The following DOCK4 variants were observed in gnomAD, a reference collection of about 807,000 sequenced individuals.
DOCK4 encodes dedicator of cytokinesis protein 4.
DOCK4 carries 97 observed loss-of-function variants against 268.1 expected under a neutral mutation model. The observed-to-expected ratio is 0.36, with a 90% CI of 0.31 to 0.43. The LOEUF is 0.43. Among genes scored for constraint, DOCK4 ranks in the 20% least tolerant of loss-of-function variants. DOCK4 has a pLI of 1.00. For missense variants in DOCK4, 2,145 were observed against 2,455.7 expected, an observed-to-expected ratio of 0.87 and a Z score of 2.67; for synonymous variants, 954 against 887.2, an observed-to-expected ratio of 1.08 and a Z score of -1.34.
At chr7:111,868,594 C>T (rs900871822) in intron 21 of DOCK4, among the ~76,000 whole-genome samples, 1 of 151,990 alleles carries the variant, frequency 6.6e-6, no homozygotes, top group Non-Finnish European at 1.5e-5. Flanking sequence ...CCTGTAATCC[C>T]AGCTACTTGG....
At chr7:111,935,742 C>G (rs1419618960) in intron 11 of DOCK4, 114 bp from the exon 12 acceptor site, 2 of 820,790 alleles carry the variant, frequency 2.4e-6, no homozygotes, top group Non-Finnish European at 3.9e-6. Flanking sequence ...TCCTTGAGGT[C>G]CCCATCAACC....
intron 12 of DOCK4, among the ~76,000 whole-genome samples, chr7:111,932,348 T>TTG (rs1794270439): frequency 6.6e-6 from 1 of 152,120 alleles, no homozygotes; most frequent in Non-Finnish European, 1.5e-5. Context: ...AGTTTGGTAT[T>TTG]TGTTTATCCA....
At chr7:112,200,010 A>T (rs1321328247) in intron 1 of DOCK4, among the ~76,000 whole-genome samples, 3 of 152,230 alleles carry the variant, frequency 2.0e-5, no homozygotes, top group Non-Finnish European at 4.4e-5. Context: ...TTGTTAAAAT[A>T]AACCCACATA....
intron 1 of DOCK4, among the ~76,000 whole-genome samples, chr7:112,142,184 G>C (rs1251635567): frequency 6.6e-6 from 1 of 152,124 alleles, no homozygotes; most frequent in Non-Finnish European, 1.5e-5. Flanking sequence ...CTGTGGCATA[G>C]AGAGAAAAAA....
intron 16 of DOCK4, among the ~76,000 whole-genome samples, chr7:111,894,515 C>T (rs964673366): frequency 6.6e-6 from 1 of 152,060 alleles, no homozygotes; most frequent in Admixed American, 6.5e-5. Context: ...AACTGGCCAG[C>T]TGAGAATATG....
intron 1 of DOCK4, among the ~76,000 whole-genome samples, chr7:112,118,128 T>C (rs1812348876): frequency 7.4e-6 from 1 of 135,400 alleles, no homozygotes; most frequent in South Asian, 2.2e-4. Flanking sequence ...AGACTTCTTA[T>C]TTATAATATA....
chr7:111,785,296 T>G (rs1799088626), intron 32 of DOCK4, among the ~76,000 whole-genome samples: 1 of 152,198 alleles, frequency 6.6e-6, no homozygotes, highest in African/African-American at 2.4e-5. Flanking sequence ...CTTTCAGGCT[T>G]AAATTGCAAA....
chr7:112,109,986 C>T lies in DOCK4; in HGVS notation c.37+96116G>A, dbSNP rs569984375. On this transcript the variant is annotated intron_variant, in intron 1 of 52. Transcript: ENST00000428084. The stretch of plus-strand genomic sequence containing the variant: ...GTCTCGATCTCCTGACCTCGTGATC[C>T]GCCCGCCTCGGCCTCCCAAAGTGCT... Among the ~76,000 whole-genome samples, 41 of 151,862 alleles carry T rather than the reference C, an allele frequency of 2.7e-4. 1 individual carries two copies. The highest frequency in any genetic ancestry group is 6.8e-3 in the Middle Eastern group (2 of 294).
intron 25 of DOCK4, among the ~76,000 whole-genome samples, chr7:111,843,993 G>A (rs1404227657): frequency 1.3e-5 from 2 of 152,268 alleles, no homozygotes; most frequent in African/African-American, 4.8e-5. Context: ...GCCAATTCCA[G>A]GCTAGGCATG....
intron 8 of DOCK4, among the ~76,000 whole-genome samples, chr7:111,951,751 C>T (rs1796069982): frequency 6.6e-6 from 1 of 151,710 alleles, no homozygotes. Flanking sequence ...GTAGTCCCAG[C>T]TACACAGAAG....
intron 16 of DOCK4, among the ~76,000 whole-genome samples, chr7:111,887,767 T>TAAAA (rs34109488): frequency 0.013 from 1,862 of 147,746 alleles, 41 homozygotes; most frequent in African/African-American, 0.044. Flanking sequence ...AAAAAATTAT[T>TAAAA]AAAAAAAAAA....
intron 1 of DOCK4, among the ~76,000 whole-genome samples, chr7:112,039,997 G>T (rs1006593449): frequency 6.6e-6 from 1 of 152,098 alleles, no homozygotes; most frequent in African/African-American, 2.4e-5. Context: ...CTAATAAAAT[G>T]TAAGTGGTTT....
chr7:111,996,435 A>G (rs1799962499), intron 4 of DOCK4, among the ~76,000 whole-genome samples: 1 of 152,158 alleles, frequency 6.6e-6, no homozygotes, highest in Non-Finnish European at 1.5e-5. Flanking sequence ...CTTTTCCATT[A>G]TTTCATCCTA....
At chr7:111,812,358 C>T (rs556198982) in intron 27 of DOCK4, among the ~76,000 whole-genome samples, 1 of 152,192 alleles carries the variant, frequency 6.6e-6, no homozygotes, top group Non-Finnish European at 1.5e-5. Context: ...TAGCTCACTG[C>T]AGCCTCAAAC....
At chr7:111,783,017 A>C in intron 34 of DOCK4, 93 bp from the exon 35 acceptor site, 5 of 905,672 alleles carry the variant, frequency 5.5e-6, no homozygotes, top group East Asian at 3.0e-5. Context: ...AAAGAAAGAA[A>C]GAAAAAAAAA....
chr7:112,018,227 TAA>T (rs1802028539), intron 1 of DOCK4, among the ~76,000 whole-genome samples: 1 of 129,458 alleles, frequency 7.7e-6, no homozygotes, highest in African/African-American at 2.9e-5. Flanking sequence ...AGGAAACTAA[TAA>T]AACTCTGTTA....
At chr7:112,114,880 C>T (rs73715461) in intron 1 of DOCK4, among the ~76,000 whole-genome samples, 35,094 of 152,042 alleles carry the variant, frequency 0.23, 5,223 homozygotes, top group African/African-American at 0.42. Context: ...AGTAAAAAGG[C>T]GGACAACATC....
chr7:111,873,363 C>T (rs6975074), intron 17 of DOCK4, among the ~76,000 whole-genome samples: 6 of 151,988 alleles, frequency 3.9e-5, no homozygotes, highest in Admixed American at 2.0e-4. Flanking sequence ...TAGTCTCCAA[C>T]GCATGCAGGG....
At chr7:111,836,590 A>C (rs529157421) in intron 25 of DOCK4, among the ~76,000 whole-genome samples, 1 of 152,308 alleles carries the variant, frequency 6.6e-6, no homozygotes, top group South Asian at 2.1e-4. Flanking sequence ...TAGAATTACC[A>C]CACAAGAACA....
Sources: allele counts gnomAD v4.1 joint callset (sites outside exome capture counted in the v4.1 genomes callset), GRCh38; gene constraint gnomAD v4.1.1; transcripts MANE v1.5; gene names NCBI Gene and HGNC (gene_info 2026-07-23, HGNC 2026-07-21).